URI1: variants seen among roughly 807,000 people sequenced by gnomAD.
URI1 encodes URI1 prefoldin like chaperone.
Under a neutral mutation model 60.2 loss-of-function variants are expected in URI1, and 39 were observed. The ratio of observed to expected loss-of-function variants is 0.65; its 90% CI spans 0.50 to 0.85. The LOEUF (loss-of-function observed/expected upper bound fraction) is 0.85, where lower values mean the gene tolerates loss of function less well. Among genes scored for constraint, URI1 ranks in the 40% least tolerant of loss-of-function variants. The pLI, the probability that URI1 is intolerant of heterozygous loss-of-function variation, is 0.00. For synonymous variants in URI1, 251 were observed against 236.8 expected (o/e 1.06, Z -0.55); for missense variants, 691 against 665.9 (o/e 1.04, Z -0.42).
intron 1 of URI1, among the ~76,000 whole-genome samples, chr19:29,924,102 CTT>C (rs1345306210): frequency 1.3e-5 from 2 of 152,116 alleles, no homozygotes; most frequent in Non-Finnish European, 2.9e-5. Flanking sequence ...TTTCCTCTGT[CTT>C]TTTGTTCTAT....
In URI1 at chr19:29,975,833, G is replaced by GT. The variant is rs563118869; in HGVS notation, c.152+4612dup. 3.9e-4 allele frequency among the ~76,000 whole-genome samples: 59 copies of GT among 152,180 alleles called. 1 individual carries two copies. Among genetic ancestry groups the GT allele is most frequent in the South Asian group, 3.5e-3 (17 of 4,818 alleles). On this transcript the variant is annotated intron_variant, in intron 2 of 10. Transcript: ENST00000392271. ...TCAGTTCTGTTTTCTGGAAACAGCA[G>GT]TTTTTTACCAATTTCTCATAAATCT... is the stretch of plus-strand genomic sequence containing the variant.
At chr19:29,988,167 C>CA (rs34327695) in intron 4 of URI1, among the ~76,000 whole-genome samples, 119,517 of 140,556 alleles carry the variant, frequency 0.85, 51,689 homozygotes, top group East Asian at 0.96. Flanking sequence ...AATTTTGTCT[C>CA]AAAAAAAAAA....
chr19:29,949,199 G>C (rs948728657), intron 1 of URI1, among the ~76,000 whole-genome samples: 3 of 150,158 alleles, frequency 2.0e-5, no homozygotes, highest in Admixed American at 1.3e-4. Flanking sequence ...CAGATGGGGC[G>C]GCTGCCGGGC....
chr19:29,997,934 T>A (rs1280708599), intron 4 of URI1, among the ~76,000 whole-genome samples: 1 of 152,096 alleles, frequency 6.6e-6, no homozygotes, highest in Non-Finnish European at 1.5e-5. Context: ...CTGGCTAATT[T>A]TTGTATTTTT....
In URI1 at chr19:30,012,387, T is replaced by C. The variant is rs1277364780; in HGVS notation, c.1281T>C (p.Ser427=). ...TGTGTAGCGACACTAGTGAAAGCAG[T>C]GCTGCTGAATTTGATGATAGGCGGG... ...NSVCSDTSES[S]AAEFDDRRGV... is the part of the protein sequence containing the mutation. The change falls in exon 10 of 11, where the codon AGT becomes AGC. Residue 427 remains serine, a synonymous_variant. Transcript: ENST00000392271. 2.5e-6 allele frequency: 4 copies of C among 1,614,054 alleles called. No homozygotes were observed. The highest frequency in any genetic ancestry group is 3.4e-6 in the Non-Finnish European group (4 of 1,180,024).
intron 1 of URI1, among the ~76,000 whole-genome samples, chr19:29,968,402 C>T (rs1245470711): frequency 6.6e-6 from 1 of 151,786 alleles, no homozygotes; most frequent in African/African-American, 2.4e-5. Flanking sequence ...GAACAAGGCT[C>T]GCTGCCTTAT....
At chr19:29,965,102 T>G (rs2055376222) in intron 1 of URI1, among the ~76,000 whole-genome samples, 1 of 152,202 alleles carries the variant, frequency 6.6e-6, no homozygotes, top group East Asian at 1.9e-4. Flanking sequence ...TTATGTTGTT[T>G]CCTGTACCAG....
chr19:29,941,068 G>GA (rs2055018274), upstream of URI1, among the ~76,000 whole-genome samples: 2 of 152,014 alleles, frequency 1.3e-5, no homozygotes, highest in South Asian at 2.1e-4. Context: ...CCATAAAAAG[G>GA]AAAAAAAGGG....
At chr19:29,958,295 A>G (rs1391771670) in intron 1 of URI1, among the ~76,000 whole-genome samples, 2 of 152,124 alleles carry the variant, frequency 1.3e-5, no homozygotes, top group Non-Finnish European at 2.9e-5. Context: ...AAGTTAGGAC[A>G]TTGGGCTTTA....
intron 2 of URI1, among the ~76,000 whole-genome samples, chr19:29,979,391 T>A (rs2055564969): frequency 6.6e-6 from 1 of 152,222 alleles, no homozygotes; most frequent in Non-Finnish European, 1.5e-5. Flanking sequence ...TTTTTTGCTT[T>A]GAATTCACAT....
chr19:29,958,343 G>T (rs1164967434), intron 1 of URI1, among the ~76,000 whole-genome samples: 1 of 152,166 alleles, frequency 6.6e-6, no homozygotes, highest in African/African-American at 2.4e-5. Context: ...TCACCATACA[G>T]ATGTTCGTAG....
intron 6 of URI1, among the ~76,000 whole-genome samples, chr19:30,006,145 A>G (rs1487925336): frequency 1.3e-5 from 2 of 152,030 alleles, no homozygotes; most frequent in Admixed American, 1.3e-4. Context: ...CATTCCTCTT[A>G]TGGTGCCTGC....
intron 1 of URI1, among the ~76,000 whole-genome samples, chr19:29,954,496 AC>A (rs2055218479): frequency 7.2e-6 from 1 of 138,944 alleles, no homozygotes; most frequent in African/African-American, 2.7e-5. Context: ...GCTCTTACTT[AC>A]CCCTACAGAT....
upstream of URI1, chr19:29,942,188 T>G (rs2055033749): frequency 1.0e-6 from 1 of 980,462 alleles, no homozygotes; most frequent in African/African-American, 1.8e-5. Flanking sequence ...GCTGGGCGTG[T>G]CGGGGGCGGG....
At chr19:29,960,668 A>T (rs1290892668) in intron 1 of URI1, among the ~76,000 whole-genome samples, 1 of 152,174 alleles carries the variant, frequency 6.6e-6, no homozygotes, top group Admixed American at 6.5e-5. Context: ...AGTGTGTCTT[A>T]TAAACAGCAT....
chr19:29,949,010 C>T (rs1227955379), intron 1 of URI1, among the ~76,000 whole-genome samples: 18 of 143,204 alleles, frequency 1.3e-4, no homozygotes, highest in Non-Finnish European at 1.8e-4. Flanking sequence ...GCGGGGGCTG[C>T]CCCCCGCCTC....
intron 9 of URI1, 32 bp downstream of exon 9, chr19:30,011,268 G>C: frequency 6.4e-7 from 1 of 1,560,614 alleles, no homozygotes; most frequent in Non-Finnish European, 8.6e-7. Context: ...AGGGCAGTCT[G>C]CTGGGCTTGC....
In URI1 at chr19:29,980,467, T is replaced by C. The variant is rs1412487985; in HGVS notation, c.153-4756T>C. On this transcript the variant is annotated intron_variant, in intron 2 of 10. Coordinates refer to ENST00000392271, the MANE Select transcript of URI1 (RefSeq NM_003796.3). ...TTTCTTAAATTAAAAAATAAAAATT[T>C]AACTCTGTCCCAGGTTAACTCAGAT... 6 of 151,848 alleles carry C rather than the reference T, an allele frequency of 4.0e-5. No homozygotes were observed. In the East Asian group the frequency reaches 1.2e-3, roughly 29 times the overall value. The allele number at this position is 151,848 out of a possible 1,614,324, so 9.4% of individuals were successfully genotyped here. A position where few individuals can be genotyped will look rare whatever the true frequency, so the allele number is the denominator to read the frequency against.
In URI1 at chr19:30,009,092, G is replaced by A; in HGVS notation, c.774G>A (p.Met258Ile). 1 of 1,613,998 alleles carries A rather than the reference G, an allele frequency of 6.2e-7. No individual in the cohort carries two copies. Among genetic ancestry groups the A allele is most frequent in the Non-Finnish European group, 8.5e-7 (1 of 1,179,936 alleles). Reference sequence around the variant, plus strand: ...ATCGTAACACAAATGTGAATGCGATGCATCAAGTAACAGACTCTCATACTC... The same window carrying A: ...ATCGTAACACAAATGTGAATGCGATACATCAAGTAACAGACTCTCATACTC... ...KEDRNTNVNAMHQVTDSHTPC... is the reference protein window; with the variant it reads ...KEDRNTNVNAIHQVTDSHTPC... Residue 258 changes from methionine (M) to isoleucine (I), a missense_variant, in exon 8 of 11, where the codon ATG becomes ATA. Physicochemically the swap from Met to Ile is conservative, Grantham distance 10. Transcript: ENST00000392271.
Sources: allele counts gnomAD v4.1 joint callset (sites outside exome capture counted in the v4.1 genomes callset), GRCh38; gene constraint gnomAD v4.1.1; transcripts MANE v1.5; gene names NCBI Gene and HGNC (gene_info 2026-07-23, HGNC 2026-07-21).